Variants in ACOXL observed in about 807,000 individuals in gnomAD.
ACOXL encodes the protein acyl-coenzyme A oxidase-like protein.
ACOXL carries 70 observed loss-of-function variants against 71.9 expected under a neutral mutation model. The observed-to-expected ratio is 0.97, with a 90% CI of 0.80 to 1.19. The LOEUF (loss-of-function observed/expected upper bound fraction) is 1.19. ACOXL is among the 50% of genes most tolerant of loss of function. The pLI is 0.00. For synonymous variants in ACOXL, 253 were observed against 281.6 expected, an observed-to-expected ratio of 0.90 and a Z score of 1.02; for missense variants, 703 against 736.3, an observed-to-expected ratio of 0.95 and a Z score of 0.52.
intron 10 of ACOXL, among the ~76,000 whole-genome samples, chr2:110,844,160 A>G (rs890444282): frequency 1.3e-5 from 2 of 152,224 alleles, no homozygotes; most frequent in Admixed American, 1.3e-4. Flanking sequence ...TGGGCCTCTC[A>G]CAAAATATGA....
chr2:111,041,039 G>T (rs1574572183), intron 15 of ACOXL, among the ~76,000 whole-genome samples: 2 of 152,136 alleles, frequency 1.3e-5, no homozygotes, highest in African/African-American at 4.8e-5. Context: ...TTCTGGAGGT[G>T]CGAGGGCAAA....
At chr2:110,840,889 C>T (rs910336330) in intron 9 of ACOXL, among the ~76,000 whole-genome samples, 1 of 152,188 alleles carries the variant, frequency 6.6e-6, no homozygotes, top group Non-Finnish European at 1.5e-5. Flanking sequence ...GAGACTCTGG[C>T]CCAGGTGGCC....
At chr2:110,770,048 G>GAACA (rs1271110352) in intron 2 of ACOXL, among the ~76,000 whole-genome samples, 6 of 151,906 alleles carry the variant, frequency 3.9e-5, no homozygotes, top group African/African-American at 1.2e-4. Flanking sequence ...GTCTCAAAAT[G>GAACA]AACAAACAAA....
At position 111,118,435 on chromosome 2, in the gene ACOXL, G is replaced by C. The variant is rs986686798; in HGVS notation, c.*619G>C. Reference sequence around the variant, plus strand: ...ACTCGGCTTGTCCTCCCAGGCCGGCGGTTTCCGTACGGCAAGACAAGGCGC... The same window carrying C: ...ACTCGGCTTGTCCTCCCAGGCCGGCCGTTTCCGTACGGCAAGACAAGGCGC... On this transcript the variant is annotated 3_prime_UTR_variant, in exon 18 of 18. Transcript: ENST00000439055. Among the ~76,000 whole-genome samples, 2 of 152,190 alleles carry C rather than the reference G, an allele frequency of 1.3e-5. No homozygotes were observed. Among genetic ancestry groups the C allele is most frequent in the African/African-American group, 4.8e-5 (2 of 41,444 alleles).
intron 16 of ACOXL, 95 bp from the exon 17 acceptor site, chr2:111,092,770 G>A (rs760614387): frequency 9.4e-6 from 8 of 853,262 alleles, no homozygotes; most frequent in African/African-American, 1.7e-5. Context: ...TTTATGAAAT[G>A]TAATATTATG....
intron 10 of ACOXL, among the ~76,000 whole-genome samples, chr2:110,863,851 G>C (rs1034170186): frequency 5.9e-5 from 9 of 152,204 alleles, no homozygotes; most frequent in Admixed American, 3.3e-4. Flanking sequence ...GAACCAGACA[G>C]CTGAGCCTCT....
intron 12 of ACOXL, among the ~76,000 whole-genome samples, chr2:110,975,281 A>G (rs997622969): frequency 6.6e-6 from 1 of 152,222 alleles, no homozygotes; most frequent in Non-Finnish European, 1.5e-5. Flanking sequence ...AAAATTTCAA[A>G]CAAATTTCAA....
chr2:110,861,305 C>G (rs1182796597), intron 10 of ACOXL, among the ~76,000 whole-genome samples: 1 of 151,748 alleles, frequency 6.6e-6, no homozygotes, highest in Non-Finnish European at 1.5e-5. Context: ...AAAAAAATAC[C>G]AAAACAACAA....
At chr2:110,955,217 C>T (rs1051640310) in intron 12 of ACOXL, among the ~76,000 whole-genome samples, 4 of 152,084 alleles carry the variant, frequency 2.6e-5, no homozygotes, top group Admixed American at 6.5e-5. Flanking sequence ...TCCTTCTAGG[C>T]GTATTAGGCT....
At chr2:110,796,597 A>G (rs548162837) in intron 5 of ACOXL, among the ~76,000 whole-genome samples, 23 of 152,226 alleles carry the variant, frequency 1.5e-4, no homozygotes, top group East Asian at 3.9e-4. Context: ...TGCCAGGCCA[A>G]TGTTTCCTCT....
At chr2:111,043,800 G>C (rs543127280) in intron 15 of ACOXL, among the ~76,000 whole-genome samples, 1 of 152,192 alleles carries the variant, frequency 6.6e-6, no homozygotes, top group Non-Finnish European at 1.5e-5. Flanking sequence ...GGAGGGGTAG[G>C]TGTCAGCCCC....
intron 12 of ACOXL, among the ~76,000 whole-genome samples, chr2:110,983,852 T>C (rs2062818954): frequency 6.6e-6 from 1 of 152,304 alleles, no homozygotes; most frequent in Non-Finnish European, 1.5e-5. Context: ...GAGATCACTT[T>C]TTTATTTTAT....
At chr2:111,088,840 A>T (rs1247461437) in intron 16 of ACOXL, among the ~76,000 whole-genome samples, 25 of 152,240 alleles carry the variant, frequency 1.6e-4, no homozygotes, top group Admixed American at 1.6e-3. Context: ...AGATTAATAT[A>T]AATCCAAGTT....
chr2:110,906,421 C>T (rs566716296), intron 10 of ACOXL, among the ~76,000 whole-genome samples: 8 of 151,700 alleles, frequency 5.3e-5, no homozygotes, highest in African/African-American at 1.9e-4. Flanking sequence ...TGCCTGTAGT[C>T]CCAGCTACTC....
chr2:110,811,683 C>T (rs977527035), intron 9 of ACOXL, among the ~76,000 whole-genome samples: 6 of 147,730 alleles, frequency 4.1e-5, no homozygotes, highest in African/African-American at 1.5e-4. Context: ...TCACATTGCT[C>T]ATCCTGTTCT....
At chr2:110,933,391 T>A (rs1670994243) in intron 11 of ACOXL, 98 bp from the exon 12 acceptor site, 2 of 1,383,496 alleles carry the variant, frequency 1.4e-6, no homozygotes, top group Admixed American at 4.4e-5. Flanking sequence ...TCATATTCTT[T>A]CCTCAAATAG....
At chr2:110,953,377 C>T (rs924123609) in intron 12 of ACOXL, among the ~76,000 whole-genome samples, 7 of 151,584 alleles carry the variant, frequency 4.6e-5, no homozygotes, top group Admixed American at 3.3e-4. Context: ...GAGAAAATGG[C>T]CCGTGTCATA....
intron 1 of ACOXL, among the ~76,000 whole-genome samples, chr2:110,765,280 A>G (rs527377784): frequency 1.1e-4 from 16 of 152,274 alleles, no homozygotes; most frequent in African/African-American, 2.4e-4. Context: ...GGTTTAGCCA[A>G]TTATTTGCTC....
intron 16 of ACOXL, among the ~76,000 whole-genome samples, chr2:111,055,620 C>T (rs542906231): frequency 6.6e-6 from 1 of 152,358 alleles, no homozygotes; most frequent in Admixed American, 6.5e-5. Context: ...TGGCCACACA[C>T]CCTGTGAATG....
Sources: allele counts gnomAD v4.1 joint callset (sites outside exome capture counted in the v4.1 genomes callset), GRCh38; gene constraint gnomAD v4.1.1; transcripts MANE v1.5; gene names NCBI Gene and HGNC (gene_info 2026-07-23, HGNC 2026-07-21).